Variants in VPS13D observed in about 807,000 individuals in gnomAD.
VPS13D encodes the protein intermembrane lipid transfer protein VPS13D.
In VPS13D, 187 loss-of-function variants were observed where a neutral mutation model predicts 461.9. The ratio of observed to expected loss-of-function variants is 0.40; its 90% CI spans 0.36 to 0.46. The LOEUF (loss-of-function observed/expected upper bound fraction) is 0.46, where lower values mean the gene tolerates loss of function less well. VPS13D is among the 20% of genes least tolerant of loss of function. The pLI is 0.60. For synonymous variants in VPS13D, 1,951 were observed against 1,986.3 expected, an observed-to-expected ratio of 0.98 and a Z score of 0.47; for missense variants, 4,711 against 5,364.9, an observed-to-expected ratio of 0.88 and a Z score of 3.81.
chr1:12,278,582 T>A (rs1641687647), intron 19 of VPS13D, among the ~76,000 whole-genome samples: 1 of 152,204 alleles, frequency 6.6e-6, no homozygotes, highest in Non-Finnish European at 1.5e-5. Context: ...GGCAGGAATT[T>A]ATTTTTTTGA....
chr1:12,306,583 C>T (rs1320562215), intron 26 of VPS13D, among the ~76,000 whole-genome samples: 1 of 152,166 alleles, frequency 6.6e-6, no homozygotes, highest in Non-Finnish European at 1.5e-5. Context: ...ATATCTCCTA[C>T]TGATTTGCTA....
chr1:12,506,736 G>A (rs965220845), intron 68 of VPS13D, 117 bp from the exon 69 acceptor site: 22 of 1,364,470 alleles, frequency 1.6e-5, no homozygotes, highest in African/African-American at 1.5e-4. Context: ...AGTATTTCCC[G>A]GCAAGGGGGC....
chr1:12,462,426 T>C (rs573388184), intron 67 of VPS13D, among the ~76,000 whole-genome samples: 23 of 152,356 alleles, frequency 1.5e-4, no homozygotes, highest in Non-Finnish European at 2.9e-4. Context: ...AGGAAGGAAC[T>C]TATCTATGTG....
At chr1:12,438,265 G>A (rs536560625) in intron 65 of VPS13D, among the ~76,000 whole-genome samples, 1 of 152,222 alleles carries the variant, frequency 6.6e-6, no homozygotes, top group Non-Finnish European at 1.5e-5. Context: ...CAAGGAATTG[G>A]TGCCCTTATC....
intron 37 of VPS13D, among the ~76,000 whole-genome samples, chr1:12,330,188 G>A (rs1475883720): frequency 2.0e-5 from 3 of 152,190 alleles, no homozygotes; most frequent in African/African-American, 7.2e-5. Context: ...GCTGAGGAGG[G>A]CGGATCACCC....
At chr1:12,488,888 T>A (rs1244313448) in intron 67 of VPS13D, among the ~76,000 whole-genome samples, 2 of 152,216 alleles carry the variant, frequency 1.3e-5, no homozygotes, top group African/African-American at 4.8e-5. Flanking sequence ...CTACACTCTC[T>A]GACTCAGAAT....
intron 41 of VPS13D, 101 bp downstream of exon 41, chr1:12,341,986 A>G: frequency 1.0e-6 from 1 of 1,004,684 alleles, no homozygotes; most frequent in Non-Finnish European, 1.5e-6. Context: ...GGCTCTTGGG[A>G]TGATATTTGA....
intron 27 of VPS13D, among the ~76,000 whole-genome samples, chr1:12,308,845 T>C (rs886791713): frequency 1.3e-5 from 2 of 151,884 alleles, no homozygotes; most frequent in Admixed American, 6.6e-5. Flanking sequence ...AGAGATGGGG[T>C]TTTACCATGT....
Position 12,261,153 on chromosome 1 carries a change from C to T in VPS13D, c.1414+4C>T, listed in dbSNP as rs769745565. 37 of 1,613,898 alleles carry T rather than the reference C, an allele frequency of 2.3e-5. No homozygotes were observed. The highest frequency in any genetic ancestry group is 1.6e-4 in the East Asian group (7 of 44,892). On this transcript the variant is annotated splice_donor_region_variant and intron_variant, in intron 12 of 69. Coordinates refer to ENST00000620676, the MANE Select transcript of VPS13D (RefSeq NM_015378.4). ...TGGATTCCTGAAGAGATCCTGGGTA[C>T]GGTGGGAGCTGGCCTTCACTTGATT...
intron 60 of VPS13D, among the ~76,000 whole-genome samples, chr1:12,396,016 TATATATATATATA>T (rs1557754727): frequency 5.8e-5 from 8 of 136,916 alleles, no homozygotes; most frequent in African/African-American, 2.0e-4. Flanking sequence ...TATATATATA[TATATATATATATA>T]GTTCTTTAAG....
At chr1:12,297,759 A>G (rs1642315311) in intron 24 of VPS13D, among the ~76,000 whole-genome samples, 1 of 152,224 alleles carries the variant, frequency 6.6e-6, no homozygotes, top group African/African-American at 2.4e-5. Context: ...AGTGGAAAAC[A>G]AGAAAGACAA....
chr1:12,321,747 T>C, intron 32 of VPS13D, 62 bp from the exon 33 acceptor site: 2 of 1,527,642 alleles, frequency 1.3e-6, no homozygotes, highest in Non-Finnish European at 1.8e-6. Flanking sequence ...CTCTTTGTGC[T>C]GGTAGTTGGA....
intron 20 of VPS13D, among the ~76,000 whole-genome samples, chr1:12,281,107 G>T (rs1641766519): frequency 1.3e-5 from 2 of 149,168 alleles, no homozygotes; most frequent in African/African-American, 2.5e-5. Context: ...AATCCCAGAT[G>T]TCATGCCATT....
intron 60 of VPS13D, among the ~76,000 whole-genome samples, chr1:12,398,207 A>G (rs79075849): frequency 0.06 from 9,150 of 152,264 alleles, 408 homozygotes; most frequent in Admixed American, 0.12. Context: ...CAAACAGAAG[A>G]AAAGTCATTT....
At chr1:12,300,759 G>C (rs1403857977) in intron 25 of VPS13D, among the ~76,000 whole-genome samples, 1 of 152,130 alleles carries the variant, frequency 6.6e-6, no homozygotes, top group Admixed American at 6.5e-5. Context: ...AAGCTGAGAG[G>C]ACCTTTTAGA....
At chr1:12,436,424 A>AGG (rs1206421860) in intron 65 of VPS13D, among the ~76,000 whole-genome samples, 1 of 152,154 alleles carries the variant, frequency 6.6e-6, no homozygotes, top group Non-Finnish European at 1.5e-5. Context: ...CAGCAGGACT[A>AGG]GGGAGGGGTC....
At chr1:12,234,903 T>G (rs1640097022) in intron 2 of VPS13D, among the ~76,000 whole-genome samples, 1 of 152,240 alleles carries the variant, frequency 6.6e-6, no homozygotes, top group Admixed American at 6.5e-5. Flanking sequence ...CAACAGAATT[T>G]CTGAGGTTTT....
rs755562896 is a variant in VPS13D, at chr1:12,293,580, G to A, written c.5909G>A (p.Arg1970Gln). The change falls in exon 24 of 70, where the codon CGG becomes CAG. Residue 1970 changes from arginine to glutamine, a missense_variant. Arg to Gln is a conservative substitution (Grantham distance 43). Transcript: ENST00000620676. ...GAACACGACATTCGCGTGAGCCTCC[G>A]GATGGCCTCTGTGCAGTATGTGCAT... ...RREHDIRVSL[R>Q]MASVQYVHTQ... 7.4e-6 allele frequency: 12 copies of A among 1,613,920 alleles called. No individual in the cohort carries two copies. In the Middle Eastern group the frequency reaches 8.2e-4, roughly 111 times the overall value.
Position 12,345,392 on chromosome 1 carries a change from G to T in VPS13D, c.8904G>T (p.Arg2968=). 1 of 1,612,650 alleles carries T rather than the reference G, an allele frequency of 6.2e-7. No individual in the cohort carries two copies. ...KLRHRHTHDL[R]IHQLQVRVNG... ...CTGACAGACACACCCATGACCTCCG[G>T]ATTCATCAACTGCAAGTGAGAGTAA... The change falls in exon 43 of 70, where the codon CGG becomes CGT. Residue 2968 remains arginine, a synonymous_variant. Transcript: ENST00000620676.
Sources: allele counts gnomAD v4.1 joint callset (sites outside exome capture counted in the v4.1 genomes callset), GRCh38; gene constraint gnomAD v4.1.1; transcripts MANE v1.5; gene names NCBI Gene and HGNC (gene_info 2026-07-23, HGNC 2026-07-21).